The following ARHGAP45 variants were observed in gnomAD, a reference collection of about 807,000 sequenced individuals.
ARHGAP45 encodes the protein rho GTPase-activating protein 45.
ARHGAP45 carries 56 observed loss-of-function variants against 116.1 expected under a neutral mutation model. That is an observed-to-expected ratio of 0.48 (90% confidence interval 0.39 to 0.60). The LOEUF (loss-of-function observed/expected upper bound fraction) is 0.60, where lower values mean the gene tolerates loss of function less well. Among genes scored for constraint, ARHGAP45 ranks in the 20% least tolerant of loss-of-function variants. The pLI is 0.00. For synonymous variants in ARHGAP45, 866 were observed against 701.7 expected (o/e 1.23, Z -3.70); for missense variants, 1,622 against 1,601.0 (o/e 1.01, Z -0.22).
At chr19:1,076,326 T>C (rs958773822) in intron 10 of ARHGAP45, among the ~76,000 whole-genome samples, 2 of 152,100 alleles carry the variant, frequency 1.3e-5, no homozygotes, top group Non-Finnish European at 2.9e-5. Context: ...TGGCTTATCA[T>C]TGATTTGTCA....
In ARHGAP45 at chr19:1,068,810, G is replaced by C. The variant is rs1054440680; in HGVS notation, c.421+66G>C. On this transcript the variant is annotated intron_variant, in intron 2 of 22. Transcript: ENST00000313093. The surrounding 1 kb of genome is among the most constrained non-coding windows in gnomAD (Gnocchi z 7.5). ...AGCCAGACCCAAGGGAGGATGGAGG[G>C]AGGGACTTGGGGAGGCTCAGAAGGG... The C allele has an allele frequency of 6.7e-7, 1 of 1,490,384 alleles. No individual in the cohort carries two copies. 92.3% of individuals were successfully genotyped at this position (1,490,384 alleles called of 1,614,324 possible). A position where few individuals can be genotyped will look rare whatever the true frequency, so the allele number is the denominator to read the frequency against.
At chr19:1,075,551 C>T (rs1376607250) in intron 10 of ARHGAP45, among the ~76,000 whole-genome samples, 1 of 152,124 alleles carries the variant, frequency 6.6e-6, no homozygotes, top group Non-Finnish European at 1.5e-5. Context: ...ACCCGGCCTC[C>T]TGCCTGTATT....
intron 2 of ARHGAP45, among the ~76,000 whole-genome samples, chr19:1,072,596 C>G (rs965893059): frequency 6.6e-6 from 1 of 152,196 alleles, no homozygotes; most frequent in African/African-American, 2.4e-5. Context: ...TCAGATCTGA[C>G]CTCCTCTGTT....
At chr19:1,082,058 C>A in intron 19 of ARHGAP45, 97 bp downstream of exon 19, 3 of 837,934 alleles carry the variant, frequency 3.6e-6, no homozygotes, top group Non-Finnish European at 4.9e-6. Flanking sequence ...CAGGACTGAG[C>A]TGGAGCAGGA....
chr19:1,067,490 T>TC lies in ARHGAP45; in HGVS notation c.86dup (p.Glu31GlyfsTer9). 6.3e-7 allele frequency: 1 copy of TC among 1,599,532 alleles called. No individual in the cohort carries two copies. Among genetic ancestry groups the TC allele is most frequent in the Non-Finnish European group, 8.5e-7 (1 of 1,174,016 alleles). On this transcript the variant is annotated frameshift_variant, in exon 1 of 23. Transcript: ENST00000313093. LOFTEE classifies it high-confidence loss of function. ...CGCGGGAAGCCCCAGCCCGCAGCCC[T>TC]CGGGGGTGAGTGGAGCCCGGGTGAG...
intron 22 of ARHGAP45, 84 bp from the exon 23 acceptor site, chr19:1,085,576 C>T (rs1192834536): frequency 8.9e-6 from 9 of 1,005,632 alleles, no homozygotes; most frequent in Non-Finnish European, 8.7e-6. Context: ...CCTGTCTCTC[C>T]CCATCTCTCC....
intron 21 of ARHGAP45, among the ~76,000 whole-genome samples, 188 bp downstream of exon 21, chr19:1,083,541 A>T (rs2043510408): frequency 1.3e-5 from 2 of 152,120 alleles, no homozygotes; most frequent in Non-Finnish European, 2.9e-5. Flanking sequence ...GTCTGCATTG[A>T]ATCTGGCAGA....
At chr19:1,066,202 G>C (rs1421659279), upstream of ARHGAP45, 9 of 1,525,482 alleles carry the variant, frequency 5.9e-6, no homozygotes, top group Non-Finnish European at 7.9e-6. Context: ...AAGAGGTTGG[G>C]GTTTTGGGAT....
At position 1,080,936 on chromosome 19, in the gene ARHGAP45, A is replaced by G. The variant is rs750222501; in HGVS notation, c.2062A>G (p.Ser688Gly). 4 of 1,609,796 alleles carry G rather than the reference A, an allele frequency of 2.5e-6. No homozygotes were observed. The highest frequency in any genetic ancestry group is 1.7e-5 in the Admixed American group (1 of 59,760). ...MTPELPVAVP[S>G]GPFRHEGLSK... ...CCCCGAGCTGCCGGTGGCCGTGCCC[A>G]GTGGACCGTTCCGCCACGAGGGGCT... Residue 688 changes from serine to glycine, a missense_variant, in exon 17 of 23, where the codon AGT (serine) becomes GGT (glycine). Ser to Gly is a moderately conservative substitution (Grantham distance 56, BLOSUM62 0). Transcript: ENST00000313093.
intron 2 of ARHGAP45, among the ~76,000 whole-genome samples, chr19:1,072,773 G>C (rs976301525): frequency 1.5e-4 from 23 of 152,376 alleles, no homozygotes; most frequent in African/African-American, 5.3e-4. Context: ...GAAGGGCAGA[G>C]AGAGACCTGG....
chr19:1,076,427 G>C (rs1378250149), intron 10 of ARHGAP45, among the ~76,000 whole-genome samples: 4 of 140,238 alleles, frequency 2.9e-5, no homozygotes, highest in African/African-American at 1.1e-4. Context: ...TTTGACTTTT[G>C]ATTTTTACCT....
intron 17 of ARHGAP45, 163 bp from the exon 18 acceptor site, chr19:1,081,387 G>A (rs1392414754): frequency 1.3e-6 from 1 of 760,392 alleles, no homozygotes; most frequent in Non-Finnish European, 2.0e-6. Context: ...AGGGCAGGCG[G>A]GATCACCCCT....
intron 19 of ARHGAP45, chr19:1,082,457 A>C (rs1420339637): frequency 1.3e-4 from 27 of 205,244 alleles, no homozygotes; most frequent in East Asian, 6.1e-4. Context: ...TCCCCGGGGA[A>C]GGGCGGGACT....
chr19:1,070,522 T>C (rs1208713109), intron 2 of ARHGAP45, among the ~76,000 whole-genome samples: 1 of 149,922 alleles, frequency 6.7e-6, no homozygotes, highest in African/African-American at 2.5e-5. Context: ...TTTTTTTTTT[T>C]TTTTAGTAGA....
rs1555704756 is a variant in ARHGAP45 at position 1,067,252 on chromosome 19, G to GC, written c.-154_-153insC. ...CCCCGAAGCCTTTTCCTGTTGGGGG[G>GC]AGGGCCCGCCAGTGACGGCCGGGCC... On this transcript the variant is annotated 5_prime_UTR_variant, in exon 1 of 23. Coordinates refer to ENST00000313093, the MANE Select transcript of ARHGAP45 (RefSeq NM_012292.5). The GC allele has an allele frequency of 5.9e-5, 82 of 1,386,002 alleles. No homozygotes were observed. The highest frequency in any genetic ancestry group is 7.5e-5 in the Non-Finnish European group (80 of 1,073,114). 85.9% of individuals were successfully genotyped at this position (1,386,002 alleles called of 1,614,324 possible).
chr19:1,073,079 G>C (rs998672258), intron 2 of ARHGAP45, 70 bp from the exon 3 acceptor site: 2 of 1,502,588 alleles, frequency 1.3e-6, no homozygotes, highest in Admixed American at 4.1e-5. Flanking sequence ...GCTCTAAAGA[G>C]GGAGGAGGTG....
chr19:1,082,269 TGTG>T (rs2043461516), intron 19 of ARHGAP45, among the ~76,000 whole-genome samples: 1 of 34,678 alleles, frequency 2.9e-5, no homozygotes, highest in Non-Finnish European at 5.7e-5. Flanking sequence ...CACCTGACGC[TGTG>T]CGGGGGCGGG....
Position 1,073,704 on chromosome 19 carries a change from C to G in ARHGAP45, c.681C>G (p.Asp227Glu). 6.2e-7 allele frequency: 1 copy of G among 1,604,232 alleles called. No homozygotes were observed. Among genetic ancestry groups the G allele is most frequent in the Non-Finnish European group, 8.5e-7 (1 of 1,175,140 alleles). ...CCGAGTTCCTCATGGGTGAAGTGGA[C>G]AGCAGCACCCTCCTAGCAGTGCCTC... ...TVSEFLMGEV[D>E]SSTLLAVPPG... Residue 227 changes from aspartate to glutamate, a missense_variant, in exon 5 of 23, where the codon GAC becomes GAG. This residue lies in a region of ARHGAP45 where 9 missense variants were observed against 25.3 expected (regional missense o/e 0.36). Transcript: ENST00000313093.
At chr19:1,079,884 G>A in intron 12 of ARHGAP45, 44 bp downstream of exon 12, 1 of 1,592,520 alleles carries the variant, frequency 6.3e-7, no homozygotes, top group Non-Finnish European at 8.6e-7. Context: ...TGGTGGACCG[G>A]GCGGCCTCCT....
Sources: allele counts gnomAD v4.1 joint callset (sites outside exome capture counted in the v4.1 genomes callset), GRCh38; gene constraint gnomAD v4.1.1; regional missense constraint gnomAD v4.1.1; non-coding constraint Gnocchi (gnomAD v3.1); transcripts MANE v1.5; gene names NCBI Gene and HGNC (gene_info 2026-07-23, HGNC 2026-07-21).